Variants in SMIM13 observed in about 807,000 individuals in gnomAD.
SMIM13 encodes the protein UPF0766 protein C6orf228.
Under a neutral mutation model 5.9 loss-of-function variants are expected in SMIM13, and 3 were observed. The observed-to-expected ratio is 0.51, with a 90% CI of 0.23 to 1.31. The LOEUF (loss-of-function observed/expected upper bound fraction) is 1.31, where lower values mean the gene tolerates loss of function less well. Among genes scored for constraint, SMIM13 ranks in the 40% most tolerant of loss-of-function variants. The pLI is 0.18. For synonymous variants in SMIM13, 55 were observed against 46.0 expected (o/e 1.19, Z -0.79); for missense variants, 85 against 109.9 (o/e 0.77, Z 1.01).
chr6:11,094,402 G>T lies in SMIM13; in HGVS notation c.76+13G>T. On this transcript the variant is annotated intron_variant, in intron 1 of 1. Transcript: ENST00000416247. ...CTGATGGTGTGCGGTGAGTGGGGGC[G>T]GTAGCCGCGAGGCAGTTCCACACGC... The T allele has an allele frequency of 6.5e-7, 1 of 1,532,720 alleles. No homozygotes were observed. 94.9% of individuals were successfully genotyped at this position (1,532,720 alleles called of 1,614,324 possible).
intron 1 of SMIM13, among the ~76,000 whole-genome samples, chr6:11,119,140 C>G (rs796928180): frequency 7.2e-5 from 11 of 152,272 alleles, no homozygotes; most frequent in African/African-American, 2.6e-4. Context: ...AAAGTGGGAA[C>G]AAAATGCTGA....
chr6:11,121,052 T>C (rs749456558), intron 1 of SMIM13, among the ~76,000 whole-genome samples: 1 of 152,230 alleles, frequency 6.6e-6, no homozygotes, highest in Non-Finnish European at 1.5e-5. Flanking sequence ...TGCTTAGTTA[T>C]TGGCACACAG....
chr6:11,112,069 CT>C (rs1758175393), intron 1 of SMIM13, among the ~76,000 whole-genome samples: 1 of 152,250 alleles, frequency 6.6e-6, no homozygotes, highest in African/African-American at 2.4e-5. Context: ...GGGAGACTGT[CT>C]TTCCCTGGTA....
intron 1 of SMIM13, chr6:11,103,588 G>T: frequency 6.9e-7 from 1 of 1,442,898 alleles, no homozygotes; most frequent in Non-Finnish European, 9.1e-7. Context: ...GTCAGGGCAG[G>T]ATGGCTCTGT....
At chr6:11,122,144 A>G (rs531538822) in intron 1 of SMIM13, among the ~76,000 whole-genome samples, 3 of 152,302 alleles carry the variant, frequency 2.0e-5, no homozygotes, top group Non-Finnish European at 2.9e-5. Context: ...GTCCATCGCA[A>G]TCATTCTAGG....
At chr6:11,108,800 G>C (rs1012377972) in intron 1 of SMIM13, among the ~76,000 whole-genome samples, 6 of 152,178 alleles carry the variant, frequency 3.9e-5, no homozygotes, top group African/African-American at 1.4e-4. Context: ...ATCTGGTGTT[G>C]TTTGAGTTAG....
In SMIM13 at chr6:11,137,328, A is replaced by G. The variant is rs1235159154; in HGVS notation, c.*2726A>G. The stretch of plus-strand genomic sequence containing the variant: ...CCTCACAACACACTTACCATGGTAC[A>G]TATTTCTTAATGCCACTAAGAAAGG... On this transcript the variant is annotated 3_prime_UTR_variant, in exon 2 of 2. Transcript: ENST00000416247. 6.6e-6 allele frequency: 1 copy of G among 152,132 alleles called. No individual in the cohort carries two copies. Among genetic ancestry groups the G allele is most frequent in the African/African-American group, 2.4e-5 (1 of 41,448 alleles). The allele number at this position is 152,132 out of a possible 1,614,324, so 9.4% of individuals were successfully genotyped here. A position where few individuals can be genotyped will look rare whatever the true frequency, so the allele number is the denominator to read the frequency against.
chr6:11,098,010 C>T (rs1234057043), intron 1 of SMIM13, among the ~76,000 whole-genome samples: 3 of 151,934 alleles, frequency 2.0e-5, no homozygotes, highest in Non-Finnish European at 4.4e-5. Context: ...ACATGGAGTT[C>T]AGATCAAGAG....
intron 1 of SMIM13, among the ~76,000 whole-genome samples, chr6:11,101,032 C>CTTT (rs200622017): frequency 7.8e-6 from 1 of 127,502 alleles, no homozygotes; most frequent in Non-Finnish European, 1.7e-5. Context: ...TCTCCATTTT[C>CTTT]TTTTTTTTTT....
intron 1 of SMIM13, among the ~76,000 whole-genome samples, chr6:11,123,187 AGCT>A (rs1758332921): frequency 6.6e-6 from 1 of 152,168 alleles, no homozygotes; most frequent in African/African-American, 2.4e-5. Context: ...TGTTTTAGAA[AGCT>A]GGGGGGAGGA....
chr6:11,101,768 T>C (rs1203947934), intron 1 of SMIM13, among the ~76,000 whole-genome samples: 3 of 145,550 alleles, frequency 2.1e-5, no homozygotes, highest in African/African-American at 5.2e-5. Flanking sequence ...TGAGACAGAG[T>C]CTCATCTGTC....
chr6:11,117,260 T>C (rs1581917322), intron 1 of SMIM13, among the ~76,000 whole-genome samples: 1 of 145,852 alleles, frequency 6.9e-6, no homozygotes, highest in African/African-American at 2.5e-5. Flanking sequence ...GCCTCCCGGG[T>C]TCACGCCATT....
At chr6:11,115,329 T>G (rs1025369511) in intron 1 of SMIM13, among the ~76,000 whole-genome samples, 4 of 152,214 alleles carry the variant, frequency 2.6e-5, no homozygotes, top group Non-Finnish European at 5.9e-5. Context: ...CTCCTAAAGC[T>G]GCAGTCAGGG....
intron 1 of SMIM13, among the ~76,000 whole-genome samples, chr6:11,131,290 C>A (rs1428060900): frequency 1.3e-5 from 2 of 151,836 alleles, no homozygotes; most frequent in African/African-American, 4.8e-5. Flanking sequence ...ATGTTTTGTT[C>A]ATTGTGGAAA....
chr6:11,103,458 C>A (rs34937009), intron 1 of SMIM13: 13,327 of 539,274 alleles, frequency 0.025, 231 homozygotes, highest in South Asian at 0.047. Context: ...CATTTCCCCC[C>A]CTCAAGAGTC....
intron 1 of SMIM13, among the ~76,000 whole-genome samples, chr6:11,134,128 T>C (rs1758487589): frequency 6.6e-6 from 1 of 152,156 alleles, no homozygotes; most frequent in South Asian, 2.1e-4. Flanking sequence ...AGTAACACTT[T>C]TACTTAGATA....
intron 1 of SMIM13, chr6:11,104,668 A>T: frequency 6.2e-7 from 1 of 1,614,198 alleles, no homozygotes; most frequent in Non-Finnish European, 8.5e-7. Context: ...ATTTGCAGAC[A>T]TTGGTTATAA....
At chr6:11,102,622 A>G (rs1316190951) in intron 1 of SMIM13, 1 of 152,242 alleles carries the variant, frequency 6.6e-6, no homozygotes, top group African/African-American at 2.4e-5. Context: ...CAAGACAAAG[A>G]AAATACTTGG....
intron 1 of SMIM13, among the ~76,000 whole-genome samples, chr6:11,114,984 GT>G: frequency 6.6e-6 from 1 of 152,240 alleles, no homozygotes; most frequent in African/African-American, 2.4e-5. Context: ...AGATAAACCT[GT>G]TTTGGTCATG....
Sources: allele counts gnomAD v4.1 joint callset (sites outside exome capture counted in the v4.1 genomes callset), GRCh38; gene constraint gnomAD v4.1.1; transcripts MANE v1.5; gene names NCBI Gene and HGNC (gene_info 2026-07-23, HGNC 2026-07-21).